The following KIRREL1 variants were observed in gnomAD, a reference collection of about 807,000 sequenced individuals.
KIRREL1 encodes kin of IRRE-like protein 1.
A neutral mutation model predicts 83.3 loss-of-function variants in KIRREL1; 25 were observed. The ratio of observed to expected loss-of-function variants is 0.30; its 90% CI spans 0.22 to 0.42. The LOEUF (loss-of-function observed/expected upper bound fraction) is 0.42. Ranked by LOEUF, KIRREL1 falls within the 10% of genes least tolerant of loss-of-function variation. KIRREL1 has a pLI of 1.00. For synonymous variants in KIRREL1, 388 were observed against 410.4 expected (o/e 0.95, Z 0.66); for missense variants, 812 against 1,032.3 (o/e 0.79, Z 2.92).
At chr1:158,039,891 C>T (rs1275122591) in intron 1 of KIRREL1, among the ~76,000 whole-genome samples, 2 of 152,140 alleles carry the variant, frequency 1.3e-5, no homozygotes, top group Admixed American at 6.5e-5. Context: ...CACCTCTGGG[C>T]GTTGTTGTTA....
At chr1:158,021,758 T>C (rs1660009261) in intron 1 of KIRREL1, among the ~76,000 whole-genome samples, 1 of 152,166 alleles carries the variant, frequency 6.6e-6, no homozygotes, top group South Asian at 2.1e-4. Flanking sequence ...GTGGTGGGCT[T>C]TACAAAAGGG....
intron 1 of KIRREL1, among the ~76,000 whole-genome samples, chr1:158,072,380 CA>C (rs1661539904): frequency 6.6e-6 from 1 of 152,170 alleles, no homozygotes; most frequent in Non-Finnish European, 1.5e-5. Flanking sequence ...TGCCAGGCAG[CA>C]GGCCCTGCAC....
chr1:158,020,140 A>G (rs1225576486), intron 1 of KIRREL1, among the ~76,000 whole-genome samples: 1 of 152,154 alleles, frequency 6.6e-6, no homozygotes, highest in Non-Finnish European at 1.5e-5. Context: ...GGGTGAAACC[A>G]GTCAGGTCTC....
intron 1 of KIRREL1, among the ~76,000 whole-genome samples, chr1:158,017,243 G>A (rs1659853973): frequency 6.6e-6 from 1 of 151,990 alleles, no homozygotes; most frequent in South Asian, 2.1e-4. Flanking sequence ...GTTTCTCAAG[G>A]GCTCTCTTCC....
In KIRREL1 at chr1:158,084,538, T is replaced by A. The variant is rs1432424033; in HGVS notation, c.469T>A (p.Phe157Ile). Residue 157 changes from phenylalanine to isoleucine, a missense_variant, in exon 4 of 15, where the codon TTC becomes ATC. By Grantham distance (21) the Phe-to-Ile change is conservative. Coordinates refer to ENST00000359209, the MANE Select transcript of KIRREL1 (RefSeq NM_018240.7). The stretch of plus-strand genomic sequence containing the variant: ...GAAGCCTGCTGCCACCATCATCTGG[T>A]TCCGGGACGGGACGCAGCAGGAGGG... ...NAKPAATIIW[F>I]RDGTQQEGAV... 3.2e-6 allele frequency: 5 copies of A among 1,551,624 alleles called. No individual in the cohort carries two copies. Among genetic ancestry groups the A allele is most frequent in the Non-Finnish European group, 4.4e-6 (5 of 1,147,008 alleles).
At chr1:158,087,021 A>G (rs139544241) in intron 5 of KIRREL1, among the ~76,000 whole-genome samples, 121 of 152,242 alleles carry the variant, frequency 7.9e-4, no homozygotes, top group African/African-American at 2.6e-3. Context: ...CCAGTTCTGT[A>G]TACTGTATAT....
rs555881167 is a variant in KIRREL1 at position 158,094,247 on chromosome 1, G to A, written c.1720-66G>A. ...GCAGGTGGCCTCTGAGCGTGGGGAG[G>A]GGTTGGTGAGGGGCGAAAAGAGCAG... On this transcript the variant is annotated intron_variant, in intron 13 of 14. Transcript: ENST00000359209. The surrounding 1 kb of genome is among the most constrained non-coding windows in gnomAD (Gnocchi z 4.6). 1 of 1,392,252 alleles carries A rather than the reference G, an allele frequency of 7.2e-7. No homozygotes were observed. Among genetic ancestry groups the A allele is most frequent in the African/African-American group, 1.4e-5 (1 of 70,698 alleles). 86.2% of individuals were successfully genotyped at this position (1,392,252 alleles called of 1,614,324 possible). A position where few individuals can be genotyped will look rare whatever the true frequency, so the allele number is the denominator to read the frequency against.
At chr1:158,082,017 G>A (rs1370401715) in intron 3 of KIRREL1, among the ~76,000 whole-genome samples, 2 of 152,130 alleles carry the variant, frequency 1.3e-5, no homozygotes, top group African/African-American at 2.4e-5. Flanking sequence ...GCCCTGAGCA[G>A]CAGCTCTTTA....
At chr1:158,012,982 G>A (rs796953177) in intron 1 of KIRREL1, among the ~76,000 whole-genome samples, 2 of 152,142 alleles carry the variant, frequency 1.3e-5, no homozygotes, top group Non-Finnish European at 2.9e-5. Context: ...CAGTCTCCAG[G>A]TGTGACAATT....
chr1:158,019,131 G>A (rs1213066505), intron 1 of KIRREL1, among the ~76,000 whole-genome samples: 1 of 152,070 alleles, frequency 6.6e-6, no homozygotes, highest in Non-Finnish European at 1.5e-5. Flanking sequence ...AGCCTATAGC[G>A]GACACGGAAC....
In KIRREL1 at chr1:158,095,030, C is replaced by T; in HGVS notation, c.2184C>T (p.Gly728=). ...CATATGAGGCGTATGACCCCATTGGCAAGTACGCCACAGCCACTCGATTCT... is the reference window on the plus strand; with the variant it reads ...CATATGAGGCGTATGACCCCATTGGTAAGTACGCCACAGCCACTCGATTCT... ...RTPYEAYDPI[G]KYATATRFSY... The change falls in exon 15 of 15, where the codon GGC becomes GGT. Residue 728 remains glycine, a synonymous_variant. Coordinates refer to ENST00000359209, the MANE Select transcript of KIRREL1 (RefSeq NM_018240.7). The T allele has an allele frequency of 6.2e-7, 1 of 1,613,876 alleles. No individual in the cohort carries two copies. The highest frequency in any genetic ancestry group is 8.5e-7 in the Non-Finnish European group (1 of 1,179,864).
intron 4 of KIRREL1, 86 bp from the exon 5 acceptor site, chr1:158,086,510 C>G: frequency 7.1e-7 from 1 of 1,411,718 alleles, no homozygotes; most frequent in South Asian, 1.3e-5. Flanking sequence ...CCCTCCAGCC[C>G]AAGCCCATCT....
rs1312683497 is a variant in KIRREL1, at chr1:158,097,990, G to A, written c.*2870G>A. Reference sequence around the variant, plus strand: ...TGTTATACCCATAGGGTTGGGGGTAGGGATGGGACTGCCCATTGCTGGCAA... The same window carrying A: ...TGTTATACCCATAGGGTTGGGGGTAAGGATGGGACTGCCCATTGCTGGCAA... On this transcript the variant is annotated 3_prime_UTR_variant, in exon 15 of 15. Transcript: ENST00000359209. 3 of 152,204 alleles carry A rather than the reference G, an allele frequency of 2.0e-5. No individual in the cohort carries two copies. The highest frequency in any genetic ancestry group is 4.4e-5 in the Non-Finnish European group (3 of 68,058). 9.4% of individuals were successfully genotyped at this position (152,204 alleles called of 1,614,324 possible). A position where few individuals can be genotyped will look rare whatever the true frequency, so the allele number is the denominator to read the frequency against.
chr1:158,086,833 A>C, intron 5 of KIRREL1, 87 bp downstream of exon 5: 1 of 1,239,162 alleles, frequency 8.1e-7, no homozygotes, highest in Non-Finnish European at 1.1e-6. Flanking sequence ...GAGAAACACA[A>C]ACTAAGAGTC....
Position 158,094,566 on chromosome 1 carries a change from G to GC in KIRREL1, c.1798-75dup. On this transcript the variant is annotated intron_variant, in intron 14 of 14. Coordinates refer to ENST00000359209, the MANE Select transcript of KIRREL1 (RefSeq NM_018240.7). The surrounding 1 kb of genome is among the most constrained non-coding windows in gnomAD (Gnocchi z 4.6). The stretch of plus-strand genomic sequence containing the variant: ...GACATAGGGAGAGCTGGAGGAAGAG[G>GC]CCCAGAAAGCCATGGTGAGACTTGA... The GC allele has an allele frequency of 7.6e-7, 1 of 1,313,174 alleles. No individual in the cohort carries two copies. The highest frequency in any genetic ancestry group is 1.1e-6 in the Non-Finnish European group (1 of 926,862). 81.3% of individuals were successfully genotyped at this position (1,313,174 alleles called of 1,614,324 possible). A position where few individuals can be genotyped will look rare whatever the true frequency, so the allele number is the denominator to read the frequency against.
At chr1:157,999,603 G>A (rs1659298975) in intron 1 of KIRREL1, among the ~76,000 whole-genome samples, 2 of 152,094 alleles carry the variant, frequency 1.3e-5, no homozygotes, top group South Asian at 4.1e-4. Context: ...CTCTTCATAT[G>A]TCCAGAGATG....
chr1:158,005,160 T>G (rs989747471), intron 1 of KIRREL1, among the ~76,000 whole-genome samples: 1 of 152,150 alleles, frequency 6.6e-6, no homozygotes, highest in Admixed American at 6.5e-5. Flanking sequence ...GACCACACCT[T>G]GAGGTGTTAG....
At chr1:158,003,983 G>T (rs763234479) in intron 1 of KIRREL1, among the ~76,000 whole-genome samples, 9 of 152,116 alleles carry the variant, frequency 5.9e-5, no homozygotes, top group African/African-American at 1.4e-4. Flanking sequence ...TTTAAGACTG[G>T]CCTTTTTCAA....
chr1:158,035,447 A>G (rs1261236074), intron 1 of KIRREL1, among the ~76,000 whole-genome samples: 1 of 152,236 alleles, frequency 6.6e-6, no homozygotes, highest in Non-Finnish European at 1.5e-5. Flanking sequence ...TGCCCTGAAC[A>G]GTAGAAGGGT....
Sources: gnomAD v4.1 joint callset for allele counts (sites outside exome capture counted in the v4.1 genomes callset) on GRCh38, gnomAD v4.1.1 for gene constraint, Gnocchi (gnomAD v3.1) non-coding constraint, MANE v1.5 for transcripts, NCBI Gene and HGNC (gene_info 2026-07-23, HGNC 2026-07-21) for gene names.